RFWD3: variants seen among roughly 807,000 people sequenced by gnomAD.
RFWD3 encodes the protein ring finger and WD repeat domain 3, also known as E3 ubiquitin-protein ligase RFWD3.
In RFWD3, 65 loss-of-function variants were observed where a neutral mutation model predicts 87.7. The ratio of observed to expected loss-of-function variants is 0.74; its 90% CI spans 0.61 to 0.91. The LOEUF (loss-of-function observed/expected upper bound fraction) is 0.91. RFWD3 is among the 40% of genes least tolerant of loss of function. The probability of loss-of-function intolerance (pLI) is 0.00; values close to 1 mark genes in which losing one functional copy is unlikely to be tolerated. For synonymous variants in RFWD3, 433 were observed against 352.8 expected (o/e 1.23, Z -2.55); for missense variants, 1,078 against 938.5 (o/e 1.15, Z -1.94).
At chr16:74,625,602 A>G (rs2144014569) in intron 12 of RFWD3, among the ~76,000 whole-genome samples, 1 of 151,872 alleles carries the variant, frequency 6.6e-6, no homozygotes, top group South Asian at 2.1e-4. Flanking sequence ...TGTGGAAGCC[A>G]GATCAGCTGT....
intron 4 of RFWD3, 27 bp downstream of exon 4, chr16:74,649,105 A>AT (rs762261419): frequency 1.2e-5 from 18 of 1,472,352 alleles, no homozygotes; most frequent in Admixed American, 3.8e-5. Flanking sequence ...AAATAAATAG[A>AT]TTTTTTTAAA....
chr16:74,634,029 C>T (rs2144095154), intron 8 of RFWD3, among the ~76,000 whole-genome samples: 1 of 151,734 alleles, frequency 6.6e-6, no homozygotes, highest in African/African-American at 2.4e-5. Flanking sequence ...GTCATGGTTT[C>T]AGGGGTGTAT....
At chr16:74,630,557 A>C (rs559622157) in intron 10 of RFWD3, among the ~76,000 whole-genome samples, 1 of 152,314 alleles carries the variant, frequency 6.6e-6, no homozygotes, top group South Asian at 2.1e-4. Context: ...GATTACTATG[A>C]ACCTGGCTAT....
chr16:74,662,228 T>C (rs1349582570), intron 1 of RFWD3, among the ~76,000 whole-genome samples: 1 of 152,150 alleles, frequency 6.6e-6, no homozygotes, highest in Non-Finnish European at 1.5e-5. Context: ...TCCTCATGCA[T>C]CAGGACAACA....
At chr16:74,639,899 CG>C (rs1420734471) in intron 6 of RFWD3, among the ~76,000 whole-genome samples, 1 of 152,016 alleles carries the variant, frequency 6.6e-6, no homozygotes, top group Admixed American at 6.6e-5. Flanking sequence ...CTACAAATAT[CG>C]AGATATGTTG....
intron 10 of RFWD3, among the ~76,000 whole-genome samples, chr16:74,630,397 G>A (rs575488680): frequency 2.6e-5 from 4 of 152,294 alleles, no homozygotes; most frequent in East Asian, 1.9e-4. Flanking sequence ...CGCACCCAGC[G>A]ACATGTGGCT....
At chr16:74,643,552 T>A (rs1014942482) in intron 6 of RFWD3, among the ~76,000 whole-genome samples, 8 of 152,176 alleles carry the variant, frequency 5.3e-5, no homozygotes, top group Non-Finnish European at 1.0e-4. Context: ...AAAATGATTT[T>A]GCCTGTGTAC....
Position 74,626,331 on chromosome 16 carries a change from T to TC in RFWD3, c.2181+11_2181+12insG. ...TACTTTTTATATGAAAGTAAAAAAG[T>TC]AACAGGCTCACCAGGGCAGAATTTG... On this transcript the variant is annotated intron_variant, in intron 12 of 12. Coordinates refer to ENST00000361070, the MANE Select transcript of RFWD3 (RefSeq NM_018124.4). 3 of 1,609,324 alleles carry TC rather than the reference T, an allele frequency of 1.9e-6. No individual in the cohort carries two copies. Among genetic ancestry groups the TC allele is most frequent in the Non-Finnish European group, 2.6e-6 (3 of 1,175,912 alleles).
chr16:74,627,793 A>G (rs764674548), intron 11 of RFWD3, among the ~76,000 whole-genome samples: 2 of 152,146 alleles, frequency 1.3e-5, no homozygotes, highest in Non-Finnish European at 2.9e-5. Context: ...ACCCACAACG[A>G]ACTCCCTAGT....
intron 10 of RFWD3, among the ~76,000 whole-genome samples, 166 bp downstream of exon 10, chr16:74,630,615 C>G (rs1025176859): frequency 6.6e-6 from 1 of 152,174 alleles, no homozygotes; most frequent in African/African-American, 2.4e-5. Context: ...AATACAAACT[C>G]TTATTAATAA....
chr16:74,652,215 AC>A, intron 2 of RFWD3, 93 bp from the exon 3 acceptor site: 1 of 1,162,770 alleles, frequency 8.6e-7, no homozygotes, highest in Non-Finnish European at 1.2e-6. Context: ...TATCACTTCA[AC>A]CCATCTCCAG....
chr16:74,651,480 G>A (rs1224696115), intron 3 of RFWD3, among the ~76,000 whole-genome samples: 1 of 152,104 alleles, frequency 6.6e-6, no homozygotes, highest in Non-Finnish European at 1.5e-5. Context: ...TTAGCCAGGT[G>A]TGGTGGTGTG....
chr16:74,636,202 G>A, intron 8 of RFWD3, 144 bp downstream of exon 8: 1 of 681,372 alleles, frequency 1.5e-6, no homozygotes, highest in Non-Finnish European at 2.5e-6. Flanking sequence ...CATCTTTGCA[G>A]CACCCTGGGG....
In RFWD3 at chr16:74,640,886, C is replaced by G. The variant is rs542800416; in HGVS notation, c.1080-2916G>C. 3.9e-5 allele frequency among the ~76,000 whole-genome samples: 6 copies of G among 152,074 alleles called. No homozygotes were observed. In the South Asian group the frequency reaches 8.3e-4, roughly 21 times the overall value. On this transcript the variant is annotated intron_variant, in intron 6 of 12. Transcript: ENST00000361070. ...CCCGGGAGGTGGAGGTTGTAGTGAG[C>G]TGAGATCACGCCACTGCACTCCAGC...
At chr16:74,666,278 G>C (rs1331012578) in intron 1 of RFWD3, 1 of 152,210 alleles carries the variant, frequency 6.6e-6, no homozygotes, top group Non-Finnish European at 1.5e-5. Flanking sequence ...GGGAAACTTT[G>C]GGCGGGTTTC....
intron 8 of RFWD3, among the ~76,000 whole-genome samples, chr16:74,633,821 G>A (rs938864213): frequency 9.2e-5 from 14 of 151,898 alleles, no homozygotes; most frequent in Admixed American, 4.6e-4. Flanking sequence ...GTAGTGGGGC[G>A]AGCCTGTAGT....
intron 1 of RFWD3, among the ~76,000 whole-genome samples, 167 bp from the exon 2 acceptor site, chr16:74,661,618 A>G (rs573926828): frequency 1.3e-5 from 2 of 152,310 alleles, no homozygotes; most frequent in South Asian, 2.1e-4. Context: ...GTGTTTGGTA[A>G]TGGACTTTCC....
chr16:74,658,098 TG>T (rs2144325183), intron 2 of RFWD3, among the ~76,000 whole-genome samples: 1 of 152,318 alleles, frequency 6.6e-6, no homozygotes, highest in African/African-American at 2.4e-5. Context: ...GGTTTCTCTT[TG>T]GGAGCACAGA....
chr16:74,650,995 C>A (rs1349031501), intron 3 of RFWD3, among the ~76,000 whole-genome samples: 1 of 95,476 alleles, frequency 1.0e-5, no homozygotes, highest in African/African-American at 6.1e-5. Flanking sequence ...CCTTTATTTA[C>A]TAGTTTTTGG....
Sources: allele counts gnomAD v4.1 joint callset (sites outside exome capture counted in the v4.1 genomes callset), GRCh38; gene constraint gnomAD v4.1.1; transcripts MANE v1.5; gene names NCBI Gene and HGNC (gene_info 2026-07-23, HGNC 2026-07-21).